The following ATF3 variants were observed in gnomAD, a reference collection of about 807,000 sequenced individuals.
The protein encoded by ATF3 is activating transcription factor 3, also known as cyclic AMP-dependent transcription factor ATF-3.
Under a neutral mutation model 18.4 loss-of-function variants are expected in ATF3, and 10 were observed. The ratio of observed to expected loss-of-function variants is 0.54; its 90% CI spans 0.34 to 0.92. The LOEUF (loss-of-function observed/expected upper bound fraction) is 0.92. Ranked by LOEUF, ATF3 falls within the 40% of genes least tolerant of loss-of-function variation. The pLI is 0.02. For missense variants in ATF3, 183 were observed against 222.3 expected, an observed-to-expected ratio of 0.82 and a Z score of 1.12; for synonymous variants, 78 against 87.9, an observed-to-expected ratio of 0.89 and a Z score of 0.63.
At chr1:212,582,420 G>A (rs1664699371) in intron 1 of ATF3, among the ~76,000 whole-genome samples, 1 of 152,220 alleles carries the variant, frequency 6.6e-6, no homozygotes, top group Non-Finnish European at 1.5e-5. Context: ...CCCTGGCAAA[G>A]CAAAGCAGGG....
In ATF3 at chr1:212,618,150, G is replaced by A; in HGVS notation, c.264G>A (p.Arg88=). 1 of 1,614,116 alleles carries A rather than the reference G, an allele frequency of 6.2e-7. No individual in the cohort carries two copies. Among genetic ancestry groups the A allele is most frequent in the South Asian group, 1.1e-5 (1 of 91,086 alleles). ...AGGTAGCCCCTGAAGAAGATGAAAG[G>A]AAAAAGAGGCGACGAGAAAGAAATA... ...KAEVAPEEDE[R]KKRRRERNKI... is the part of the protein sequence containing the mutation. Residue 88 remains arginine, a synonymous_variant, in exon 3 of 4, where the codon AGG becomes AGA. Transcript: ENST00000341491. This position sits in a 1 kb window ranked among gnomAD's most constrained non-coding sequence, Gnocchi z 4.4.
upstream of ATF3, among the ~76,000 whole-genome samples, chr1:212,604,974 C>A (rs531259947): frequency 6.6e-6 from 1 of 152,282 alleles, no homozygotes; most frequent in Admixed American, 6.5e-5. Flanking sequence ...CTCCCGCCCC[C>A]TCTTGATTGT....
Position 212,619,657 on chromosome 1 carries a change from A to G in ATF3, c.*102A>G. ...GAGCTGTCTTCCTGTGTACCTCTAG[A>G]ATCCCAGCAGCAGAGAACCATCAAG... On this transcript the variant is annotated 3_prime_UTR_variant, in exon 4 of 4. Coordinates refer to ENST00000341491, the MANE Select transcript of ATF3 (RefSeq NM_001674.4). The surrounding 1 kb of genome is among the most constrained non-coding windows in gnomAD (Gnocchi z 4.4). 5 of 1,486,710 alleles carry G rather than the reference A, an allele frequency of 3.4e-6. No individual in the cohort carries two copies. Among genetic ancestry groups the G allele is most frequent in the Non-Finnish European group, 4.6e-6 (5 of 1,091,292 alleles). The allele number at this position is 1,486,710 out of a possible 1,614,324, so 92.1% of individuals were successfully genotyped here. A position where few individuals can be genotyped will look rare whatever the true frequency, so the allele number is the denominator to read the frequency against.
Position 212,619,054 on chromosome 1 carries a change from G to A in ATF3, c.349-304G>A, listed in dbSNP as rs1413909333. 6 of 1,614,142 alleles carry A rather than the reference G, an allele frequency of 3.7e-6. No individual in the cohort carries two copies. The highest frequency in any genetic ancestry group is 5.1e-6 in the Non-Finnish European group (6 of 1,180,036). ...TCTGGATTTCTCCCCAGCTCCCAAG[G>A]CCCTTTTGGGTCCAGAAGACCTGCA... On this transcript the variant is annotated intron_variant, in intron 3 of 3. Coordinates refer to ENST00000341491, the MANE Select transcript of ATF3 (RefSeq NM_001674.4). This position sits in a 1 kb window ranked among gnomAD's most constrained non-coding sequence, Gnocchi z 4.4.
At chr1:212,588,036 G>C (rs1392640616) in intron 1 of ATF3, among the ~76,000 whole-genome samples, 2 of 152,094 alleles carry the variant, frequency 1.3e-5, no homozygotes, top group Non-Finnish European at 2.9e-5. Flanking sequence ...AGGTGAGTGA[G>C]AGGGAGAATG....
intron 1 of ATF3, among the ~76,000 whole-genome samples, chr1:212,593,628 C>T (rs1435319304): frequency 4.6e-5 from 7 of 151,272 alleles, no homozygotes; most frequent in African/African-American, 1.5e-4. Flanking sequence ...GTAGTCCCAG[C>T]TATTTGGGAG....
chr1:212,585,228 G>A (rs1004292726), intron 1 of ATF3, among the ~76,000 whole-genome samples: 1 of 152,194 alleles, frequency 6.6e-6, no homozygotes, highest in Non-Finnish European at 1.5e-5. Context: ...CTCTGGGGCT[G>A]CTGAGCCCAG....
rs114885460 is a variant in ATF3, at chr1:212,602,670, G to C, written c.-4-12348G>C. On this transcript the variant is annotated intron_variant, in intron 1 of 3. Coordinates refer to the ATF3 transcript ENST00000366981. ...CATCTATAAAATGGAGATGTTTACG[G>C]TCCATCAAAGGGTGGTTACAATAAT... 4.4e-3 allele frequency among the ~76,000 whole-genome samples: 672 copies of C among 152,226 alleles called. 4 individuals are homozygous for C. Among genetic ancestry groups the C allele is most frequent in the African/African-American group, 0.016 (646 of 41,530 alleles).
upstream of ATF3, among the ~76,000 whole-genome samples, chr1:212,607,666 G>A (rs559954462): frequency 2.6e-5 from 4 of 152,320 alleles, no homozygotes; most frequent in African/African-American, 9.6e-5. Flanking sequence ...GGGAGCAGAA[G>A]AACACGTGAA....
intron 1 of ATF3, among the ~76,000 whole-genome samples, chr1:212,572,595 T>C (rs577996946): frequency 2.6e-5 from 4 of 152,376 alleles, no homozygotes; most frequent in Admixed American, 2.6e-4. Context: ...ATTAGAATGA[T>C]TTTGTGAAAT....
intron 1 of ATF3, among the ~76,000 whole-genome samples, chr1:212,584,553 G>A (rs895052328): frequency 6.6e-6 from 1 of 152,130 alleles, no homozygotes; most frequent in African/African-American, 2.4e-5. Flanking sequence ...CCTTTTTGCT[G>A]TCTTCAGGAC....
In ATF3 at chr1:212,619,203, C is replaced by A. The variant is rs1655261620; in HGVS notation, c.349-155C>A. ...AGAAGAGGGTCTGCATTTTCCTAAA[C>A]CCAGTGCTGCTCTCCCATCTCCCAT... On this transcript the variant is annotated intron_variant, in intron 3 of 3. Coordinates refer to ENST00000341491, the MANE Select transcript of ATF3 (RefSeq NM_001674.4). This position sits in a 1 kb window ranked among gnomAD's most constrained non-coding sequence, Gnocchi z 4.4. The A allele has an allele frequency of 2.5e-6, 4 of 1,610,846 alleles. No individual in the cohort carries two copies. The highest frequency in any genetic ancestry group is 3.4e-6 in the Non-Finnish European group (4 of 1,179,238).
chr1:212,571,007 T>C (rs1664469170), intron 1 of ATF3, among the ~76,000 whole-genome samples: 2 of 152,204 alleles, frequency 1.3e-5, no homozygotes, highest in African/African-American at 4.8e-5. Context: ...GGGCATAGGA[T>C]AGATGTATAT....
In ATF3 at chr1:212,618,424, C is replaced by T. The variant is rs114946939; in HGVS notation, c.348+190C>T. 2.1e-3 allele frequency: 1,374 copies of T among 657,352 alleles called. 10 individuals are homozygous for T. Among genetic ancestry groups the T allele is most frequent in the African/African-American group, 0.014 (776 of 55,456 alleles). The allele number at this position is 657,352 out of a possible 1,614,324, so 40.7% of individuals were successfully genotyped here. ...AAAGCAGTTAACACAATGGATGTGA[C>T]GGTGGATGTATAAAAACAGGTGTGT... On this transcript the variant is annotated intron_variant, in intron 3 of 3. Coordinates refer to ENST00000341491, the MANE Select transcript of ATF3 (RefSeq NM_001674.4). The surrounding 1 kb of genome is among the most constrained non-coding windows in gnomAD (Gnocchi z 4.4).
At chr1:212,591,515 T>C (rs1007989356) in intron 1 of ATF3, among the ~76,000 whole-genome samples, 1 of 152,192 alleles carries the variant, frequency 6.6e-6, no homozygotes, top group African/African-American at 2.4e-5. Context: ...TGGCCAAGGA[T>C]TGGCCATGGG....
At chr1:212,567,179 C>T (rs1476193319) in intron 1 of ATF3, among the ~76,000 whole-genome samples, 1 of 151,214 alleles carries the variant, frequency 6.6e-6, no homozygotes, top group Non-Finnish European at 1.5e-5. Context: ...TTTTTTGAAG[C>T]CCCAGGCACT....
At chr1:212,576,528 TTTTA>T (rs1020516116) in intron 1 of ATF3, among the ~76,000 whole-genome samples, 3 of 151,816 alleles carry the variant, frequency 2.0e-5, no homozygotes, top group Non-Finnish European at 4.4e-5. Context: ...ATTGTGCTGT[TTTTA>T]TTTGTTTATT....
chr1:212,580,376 A>G (rs892735985), intron 1 of ATF3, among the ~76,000 whole-genome samples: 1 of 149,312 alleles, frequency 6.7e-6, no homozygotes, highest in East Asian at 2.0e-4. Context: ...GTGCAGTGGC[A>G]CGATCTCTGC....
chr1:212,581,675 T>A (rs2102627423), intron 1 of ATF3, among the ~76,000 whole-genome samples: 1 of 152,178 alleles, frequency 6.6e-6, no homozygotes, highest in East Asian at 1.9e-4. Context: ...AACCATACAA[T>A]GGTGATTTTG....
Sources: gnomAD v4.1 joint callset for allele counts (sites outside exome capture counted in the v4.1 genomes callset) on GRCh38, gnomAD v4.1.1 for gene constraint, Gnocchi (gnomAD v3.1) non-coding constraint, MANE v1.5 for transcripts, NCBI Gene and HGNC (gene_info 2026-07-23, HGNC 2026-07-21) for gene names.